The following STPG2 variants were observed in gnomAD, a reference collection of about 807,000 sequenced individuals.
STPG2 encodes sperm-tail PG-rich repeat-containing protein 2.
A neutral mutation model predicts 54.2 loss-of-function variants in STPG2; 56 were observed. That is an observed-to-expected ratio of 1.03 (90% CI 0.83 to 1.29). The LOEUF (loss-of-function observed/expected upper bound fraction) is 1.29, where lower values mean the gene tolerates loss of function less well. STPG2 is among the 50% of genes most tolerant of loss of function. The probability of loss-of-function intolerance (pLI) is 0.00; values close to 1 mark genes in which losing one functional copy is unlikely to be tolerated. For missense variants in STPG2, 596 were observed against 544.9 expected (o/e 1.09, Z -0.93); for synonymous variants, 200 against 181.8 (o/e 1.10, Z -0.81).
At chr4:97,595,604 TAAAAAAAC>T (rs1259997809) in intron 10 of STPG2, among the ~76,000 whole-genome samples, 4 of 146,032 alleles carry the variant, frequency 2.7e-5, no homozygotes, top group African/African-American at 7.6e-5. Flanking sequence ...ATAATAAAAA[TAAAAAAAC>T]AAAAAAAGAA....
At chr4:97,741,161 T>A (rs953488754) in intron 9 of STPG2, among the ~76,000 whole-genome samples, 1 of 152,164 alleles carries the variant, frequency 6.6e-6, no homozygotes, top group Non-Finnish European at 1.5e-5. Context: ...GCTAGCCATA[T>A]GTAGAAAGCT....
At chr4:97,807,736 A>T (rs1727615306) in intron 9 of STPG2, among the ~76,000 whole-genome samples, 4 of 152,006 alleles carry the variant, frequency 2.6e-5, no homozygotes, top group African/African-American at 9.7e-5. Context: ...ATACTGACTA[A>T]GAACTTTCTA....
At chr4:97,466,525 T>C (rs1284318538) in intron 4 of STPG2, among the ~76,000 whole-genome samples, 1 of 152,052 alleles carries the variant, frequency 6.6e-6, no homozygotes, top group Non-Finnish European at 1.5e-5. Context: ...CTCATCAACA[T>C]TTGTTAGTTA....
intron 10 of STPG2, among the ~76,000 whole-genome samples, chr4:97,637,319 A>C (rs1467669408): frequency 1.2e-4 from 18 of 152,236 alleles, no homozygotes; most frequent in Non-Finnish European, 7.3e-5. Context: ...CTCTCAGTAA[A>C]TTAAGTATTG....
chr4:97,958,090 A>G (rs2149245794), intron 7 of STPG2, among the ~76,000 whole-genome samples: 1 of 152,220 alleles, frequency 6.6e-6, no homozygotes, highest in African/African-American at 2.4e-5. Context: ...GGGACAGATC[A>G]CTTGAGGTCA....
At position 98,142,504 on chromosome 4, in the gene STPG2, G is replaced by T. The variant is rs780034822; in HGVS notation, c.109+538C>A. 2.0e-5 allele frequency among the ~76,000 whole-genome samples: 3 copies of T among 152,106 alleles called. No individual in the cohort carries two copies. The East Asian group carries it at 5.8e-4, about 29-fold the overall frequency. ...AAAATATAATTTTTCTTTACAGAAT[G>T]TGGAGAAAAGGGGCTCCCCTGAAGT... On this transcript the variant is annotated intron_variant, in intron 1 of 10. Transcript: ENST00000295268.
intron 6 of STPG2, 120 bp from the exon 7 acceptor site, chr4:97,972,560 A>T: frequency 1.7e-6 from 1 of 572,266 alleles, no homozygotes; most frequent in Admixed American, 4.2e-5. Flanking sequence ...TATTTCTGGC[A>T]TAAATGTAAA....
intron 5 of STPG2, among the ~76,000 whole-genome samples, chr4:97,997,066 G>A (rs897005383): frequency 2.0e-5 from 3 of 152,178 alleles, no homozygotes. Flanking sequence ...ATTATCATTT[G>A]ACCAAGCAAT....
At chr4:97,461,486 G>C (rs1466664737) in intron 4 of STPG2, among the ~76,000 whole-genome samples, 1 of 152,154 alleles carries the variant, frequency 6.6e-6, no homozygotes, top group Non-Finnish European at 1.5e-5. Flanking sequence ...GAGCTAGCTA[G>C]CTTTCTTTTC....
intron 8 of STPG2, among the ~76,000 whole-genome samples, chr4:97,843,547 A>G (rs1021668966): frequency 6.6e-6 from 1 of 151,964 alleles, no homozygotes; most frequent in Non-Finnish European, 1.5e-5. Flanking sequence ...TTTATTGGGT[A>G]TAGGACTTAC....
intron 4 of STPG2, among the ~76,000 whole-genome samples, chr4:97,521,799 A>C (rs1731185303): frequency 6.6e-6 from 1 of 152,004 alleles, no homozygotes; most frequent in African/African-American, 2.4e-5. Flanking sequence ...TTATCATTAA[A>C]AATAGGGAGG....
At chr4:97,924,662 A>T (rs1235419024) in intron 8 of STPG2, among the ~76,000 whole-genome samples, 2 of 152,044 alleles carry the variant, frequency 1.3e-5, no homozygotes, top group Non-Finnish European at 2.9e-5. Flanking sequence ...TCATCTTAAG[A>T]TGATTAGACA....
chr4:97,866,928 T>C (rs565762346), intron 8 of STPG2, among the ~76,000 whole-genome samples: 55 of 152,040 alleles, frequency 3.6e-4, no homozygotes, highest in Admixed American at 1.6e-3. Context: ...ACTTGGGCAT[T>C]TGGCTTCCTG....
At chr4:97,942,190 C>A (rs201049653) in intron 8 of STPG2, among the ~76,000 whole-genome samples, 3 of 150,068 alleles carry the variant, frequency 2.0e-5, no homozygotes, top group African/African-American at 4.9e-5. Flanking sequence ...ACACATACTG[C>A]CTTCCTATGG....
intron 5 of STPG2, among the ~76,000 whole-genome samples, chr4:98,068,965 C>G (rs1321779914): frequency 6.6e-6 from 1 of 151,996 alleles, no homozygotes; most frequent in African/African-American, 2.4e-5. Context: ...CATCATCATA[C>G]GTGCAGTCCA....
At chr4:97,512,915 T>C (rs1298652934) in intron 4 of STPG2, among the ~76,000 whole-genome samples, 1 of 152,062 alleles carries the variant, frequency 6.6e-6, no homozygotes, top group African/African-American at 2.4e-5. Context: ...CTGGATGTCT[T>C]CTAGTTCAAT....
chr4:98,143,192 G>A lies in STPG2; in HGVS notation c.-42C>T, dbSNP rs746302359. The A allele has an allele frequency of 1.0e-5, 15 of 1,500,482 alleles. No individual in the cohort carries two copies. Among genetic ancestry groups the A allele is most frequent in the East Asian group, 9.2e-5 (4 of 43,484 alleles). The allele number at this position is 1,500,482 out of a possible 1,614,324, so 92.9% of individuals were successfully genotyped here. On this transcript the variant is annotated 5_prime_UTR_variant, in exon 1 of 11. Coordinates refer to ENST00000295268, the MANE Select transcript of STPG2 (RefSeq NM_174952.3). The stretch of plus-strand genomic sequence containing the variant: ...GGGGCGCTGGGGAAGGGCAGGTGCC[G>A]AAAACGATAAAAACAAGGTAGCTAG...
intron 10 of STPG2, among the ~76,000 whole-genome samples, chr4:97,620,117 C>A (rs969697515): frequency 3.9e-5 from 6 of 152,268 alleles, no homozygotes; most frequent in African/African-American, 1.4e-4. Flanking sequence ...AGCCACTGCA[C>A]CCAGCCACAT....
chr4:97,812,124 G>T (rs894285688), intron 9 of STPG2, among the ~76,000 whole-genome samples: 2 of 151,962 alleles, frequency 1.3e-5, no homozygotes, highest in Non-Finnish European at 2.9e-5. Flanking sequence ...AGTGTGAAAA[G>T]ATAAAAATAA....
Sources: gnomAD v4.1 joint callset for allele counts (sites outside exome capture counted in the v4.1 genomes callset) on GRCh38, gnomAD v4.1.1 for gene constraint, MANE v1.5 for transcripts, NCBI Gene and HGNC (gene_info 2026-07-23, HGNC 2026-07-21) for gene names.